The following SLC39A12 variants were observed in gnomAD, a reference collection of about 807,000 sequenced individuals.
SLC39A12 encodes the protein zinc transporter ZIP12.
Under a neutral mutation model 71.1 loss-of-function variants are expected in SLC39A12, and 63 were observed. That is an observed-to-expected ratio of 0.89 (90% CI 0.72 to 1.09). SLC39A12 has a LOEUF of 1.09. SLC39A12 is among the 50% of genes least tolerant of loss of function. SLC39A12 has a pLI of 0.00. For synonymous variants in SLC39A12, 351 were observed against 301.3 expected, an observed-to-expected ratio of 1.16 and a Z score of -1.71; for missense variants, 892 against 812.6, an observed-to-expected ratio of 1.10 and a Z score of -1.19.
At chr10:17,977,085 T>C (rs1835129440) in intron 4 of SLC39A12, among the ~76,000 whole-genome samples, 1 of 152,178 alleles carries the variant, frequency 6.6e-6, no homozygotes, top group Non-Finnish European at 1.5e-5. Context: ...TGAGTTCCTG[T>C]AGTGAACTTT....
At chr10:17,961,947 C>A in intron 3 of SLC39A12, 85 bp downstream of exon 3, 1 of 1,351,758 alleles carries the variant, frequency 7.4e-7, no homozygotes, top group Non-Finnish European at 1.0e-6. Flanking sequence ...ATTTCTAAGA[C>A]ATTCAAGGAC....
At chr10:17,972,629 G>T (rs116795485) in intron 4 of SLC39A12, among the ~76,000 whole-genome samples, 2,060 of 152,108 alleles carry the variant, frequency 0.014, 41 homozygotes, top group African/African-American at 0.043. Flanking sequence ...GAAATCTATT[G>T]TGTCTGATAT....
At chr10:17,970,996 G>A (rs1426386990) in intron 4 of SLC39A12, among the ~76,000 whole-genome samples, 1 of 151,446 alleles carries the variant, frequency 6.6e-6, no homozygotes, top group Non-Finnish European at 1.5e-5. Context: ...CATTTTTTAG[G>A]GTTTTTATCA....
At chr10:17,989,539 G>T (rs918071687) in intron 7 of SLC39A12, among the ~76,000 whole-genome samples, 1 of 152,214 alleles carries the variant, frequency 6.6e-6, no homozygotes, top group Non-Finnish European at 1.5e-5. Flanking sequence ...GTGGACTTGA[G>T]GATGGGTGCA....
At chr10:17,967,136 T>C (rs1328810095) in intron 4 of SLC39A12, among the ~76,000 whole-genome samples, 1 of 148,092 alleles carries the variant, frequency 6.8e-6, no homozygotes, top group Non-Finnish European at 1.5e-5. Context: ...TGTTGCAAGT[T>C]TTTTTTTGTT....
chr10:17,982,972 C>T (rs777430587), intron 6 of SLC39A12, among the ~76,000 whole-genome samples: 35 of 151,452 alleles, frequency 2.3e-4, no homozygotes, highest in Non-Finnish European at 8.8e-5. Context: ...GGGTGGATCA[C>T]GAGGTCAGGA....
At chr10:18,022,998 G>T (rs1226534063) in intron 12 of SLC39A12, among the ~76,000 whole-genome samples, 1 of 152,152 alleles carries the variant, frequency 6.6e-6, no homozygotes, top group East Asian at 1.9e-4. Flanking sequence ...TGGTTCCTCT[G>T]TATTTCCTAG....
intron 12 of SLC39A12, chr10:18,009,903 A>G (rs542176037): frequency 6.6e-6 from 1 of 152,360 alleles, no homozygotes; most frequent in African/African-American, 2.4e-5. Flanking sequence ...CTCTACACTT[A>G]TTGTAGGTCA....
chr10:18,036,774 ATATATATATATATATATATAT>A (rs1837047478), intron 12 of SLC39A12, among the ~76,000 whole-genome samples: 2 of 8,922 alleles, frequency 2.2e-4, no homozygotes, highest in South Asian at 4.7e-3. Flanking sequence ...ATATATATAT[ATATATATATATATATATATAT>A]TTTTTTTTTT....
chr10:17,969,822 C>T (rs114248635), intron 4 of SLC39A12, among the ~76,000 whole-genome samples: 2,063 of 152,228 alleles, frequency 0.014, 41 homozygotes, highest in African/African-American at 0.043. Flanking sequence ...AGTTTGATTG[C>T]CTACGCCTGT....
intron 6 of SLC39A12, among the ~76,000 whole-genome samples, chr10:17,986,871 G>A (rs1322359230): frequency 6.6e-6 from 1 of 152,078 alleles, no homozygotes; most frequent in Admixed American, 6.6e-5. Flanking sequence ...CAGGCCTGAT[G>A]GCACCTGCCC....
Position 18,000,810 on chromosome 10 carries a change from A to G in SLC39A12, c.1744A>G (p.Ile582Val). ...TACGATTGCTATCTTGTGTCATGAA[A>G]TCCCACATGAAATGGGTAAGTTCAA... The part of the protein sequence containing the change: ...TTTIAILCHE[I>V]PHEMGDFAVL... The change falls in exon 11 of 13, where the codon ATC becomes GTC. Residue 582 changes from isoleucine to valine, a missense_variant. Ile to Val is a conservative substitution (Grantham distance 29, BLOSUM62 3). Transcript: ENST00000377369. The G allele has an allele frequency of 6.2e-7, 1 of 1,613,902 alleles. No homozygotes were observed. Among genetic ancestry groups the G allele is most frequent in the Non-Finnish European group, 8.5e-7 (1 of 1,179,882 alleles).
chr10:17,963,568 T>A (rs1248951533), intron 3 of SLC39A12, among the ~76,000 whole-genome samples: 1 of 152,198 alleles, frequency 6.6e-6, no homozygotes, highest in Non-Finnish European at 1.5e-5. Context: ...CTCAGGCCAG[T>A]GAACACCTGG....
At chr10:18,004,354 T>C (rs552212342) in intron 12 of SLC39A12, 1 of 152,310 alleles carries the variant, frequency 6.6e-6, no homozygotes, top group East Asian at 1.9e-4. Context: ...GAAGGTAATA[T>C]GTGGAACAGA....
chr10:18,042,138 G>A (rs1181235752), intron 12 of SLC39A12, among the ~76,000 whole-genome samples: 1 of 152,058 alleles, frequency 6.6e-6, no homozygotes, highest in Non-Finnish European at 1.5e-5. Context: ...TTTCTGAAAA[G>A]TAAGAGTTGG....
At chr10:18,016,930 G>T (rs757807932) in intron 12 of SLC39A12, among the ~76,000 whole-genome samples, 1 of 151,814 alleles carries the variant, frequency 6.6e-6, no homozygotes, top group Non-Finnish European at 1.5e-5. Flanking sequence ...GTCTATTTTG[G>T]ATACCATTCC....
intron 3 of SLC39A12, among the ~76,000 whole-genome samples, chr10:17,962,552 T>C (rs951816418): frequency 2.7e-5 from 4 of 149,172 alleles, no homozygotes; most frequent in Non-Finnish European, 6.0e-5. Flanking sequence ...AGCCACGGGT[T>C]TTTTTTTTTT....
Position 18,010,313 on chromosome 10 carries a change from G to C in SLC39A12, c.1947+6955G>C, listed in dbSNP as rs143743816. 3.7e-4 allele frequency among the ~76,000 whole-genome samples: 56 copies of C among 152,196 alleles called. 1 individual carries two copies. Among genetic ancestry groups the C allele is most frequent in the African/African-American group, 1.2e-3 (49 of 41,552 alleles). On this transcript the variant is annotated intron_variant, in intron 12 of 12. Coordinates refer to ENST00000377369, the MANE Select transcript of SLC39A12 (RefSeq NM_001145195.2). Reference sequence around the variant, plus strand: ...ACATCCACCCACAGGAAGAGATTTTGTTTGAAAAAGACATATGAAGTAACC... The same window carrying C: ...ACATCCACCCACAGGAAGAGATTTTCTTTGAAAAAGACATATGAAGTAACC...
chr10:18,018,312 C>T (rs2130871350), intron 12 of SLC39A12, among the ~76,000 whole-genome samples: 1 of 152,232 alleles, frequency 6.6e-6, no homozygotes, highest in South Asian at 2.1e-4. Context: ...TTACAGTTAT[C>T]ATGTCATCCG....
Sources: gnomAD v4.1 joint callset for allele counts (sites outside exome capture counted in the v4.1 genomes callset) on GRCh38, gnomAD v4.1.1 for gene constraint, MANE v1.5 for transcripts, NCBI Gene and HGNC (gene_info 2026-07-23, HGNC 2026-07-21) for gene names.